The following PBK variants were observed in gnomAD, a reference collection of about 807,000 sequenced individuals.
PBK encodes the protein PDZ binding kinase, also known as lymphokine-activated killer T-cell-originated protein kinase.
PBK carries 22 observed loss-of-function variants against 33.5 expected under a neutral mutation model. That is an observed-to-expected ratio of 0.66 (90% confidence interval 0.47 to 0.94). The LOEUF (loss-of-function observed/expected upper bound fraction) is 0.94. PBK is among the 40% of genes least tolerant of loss of function. The probability of loss-of-function intolerance (pLI) is 0.00; values close to 1 mark genes in which losing one functional copy is unlikely to be tolerated. For synonymous variants in PBK, 129 were observed against 123.8 expected (o/e 1.04, Z -0.28); for missense variants, 376 against 383.4 (o/e 0.98, Z 0.16).
chr8:27,826,940 AT>A (rs1806037694), intron 3 of PBK, among the ~76,000 whole-genome samples: 1 of 152,160 alleles, frequency 6.6e-6, no homozygotes, highest in Non-Finnish European at 1.5e-5. Context: ...ACCTGTGAGA[AT>A]TTTTTTCTTT....
intron 3 of PBK, among the ~76,000 whole-genome samples, chr8:27,825,241 A>G (rs2128964170): frequency 6.6e-6 from 1 of 152,336 alleles, no homozygotes; most frequent in East Asian, 1.9e-4. Flanking sequence ...GGAGTTTGAG[A>G]CCAGCCTGGG....
Position 27,820,603 on chromosome 8 carries a change from TCA to T in PBK, c.555_556del (p.Cys185Ter). 6.3e-7 allele frequency: 1 copy of T among 1,575,774 alleles called. No homozygotes were observed. Among genetic ancestry groups the T allele is most frequent in the Non-Finnish European group, 8.7e-7 (1 of 1,147,686 alleles). ...ATCCAGTGGTAGAGAGACTCCTACA[TCA>T]CAGATTTTAATTGTTTCAAAATCGC... On this transcript the variant is annotated stop_gained and frameshift_variant, in exon 6 of 8. Coordinates refer to ENST00000301905, the MANE Select transcript of PBK (RefSeq NM_018492.4). LOFTEE classifies it high-confidence loss of function.
chr8:27,829,204 C>T (rs1054694104), intron 2 of PBK, among the ~76,000 whole-genome samples: 2 of 152,104 alleles, frequency 1.3e-5, no homozygotes, highest in East Asian at 3.9e-4. Flanking sequence ...TGCCCCAAAG[C>T]TGGGAAAGCA....
chr8:27,825,022 T>A (rs77285599), intron 3 of PBK, among the ~76,000 whole-genome samples: 23,856 of 152,074 alleles, frequency 0.16, 2,345 homozygotes, highest in East Asian at 0.36. Flanking sequence ...GGATATTTTT[T>A]AGACATACAA....
At chr8:27,813,573 CAT>C (rs1447053443) in intron 6 of PBK, among the ~76,000 whole-genome samples, 1 of 151,054 alleles carries the variant, frequency 6.6e-6, no homozygotes, top group Non-Finnish European at 1.5e-5. Context: ...ACACTGACCT[CAT>C]AGCCACAGTC....
rs1563489324 is a variant in PBK at position 27,816,359 on chromosome 8, T to TATATATATATA, written c.595+4205_595+4206insTATATATATAT. ...CATCGAATACTATATATATATATAT[T>TATATATATATA]TATTTATTTATTTATTTATTTTAAT... On this transcript the variant is annotated intron_variant, in intron 6 of 7. Coordinates refer to ENST00000301905, the MANE Select transcript of PBK (RefSeq NM_018492.4). Among the ~76,000 whole-genome samples, 1,007 of 126,460 alleles carry TATATATATATA rather than the reference T, an allele frequency of 8.0e-3. 19 individuals carry two copies. Among genetic ancestry groups the TATATATATATA allele is most frequent in the East Asian group, 0.038 (144 of 3,822 alleles). The allele number at this position is 126,460 out of a possible 152,430, so 83.0% of individuals were successfully genotyped here.
At chr8:27,813,749 T>A (rs989253765) in intron 6 of PBK, among the ~76,000 whole-genome samples, 2 of 152,186 alleles carry the variant, frequency 1.3e-5, no homozygotes, top group Non-Finnish European at 2.9e-5. Flanking sequence ...ACGTACAGCA[T>A]AGTGAGGACA....
rs79343602 is a variant in PBK at position 27,809,769 on chromosome 8, T to G, written c.*536A>C. 1 of 146,954 alleles carries G rather than the reference T, an allele frequency of 6.8e-6. No homozygotes were observed. Among genetic ancestry groups the G allele is most frequent in the African/African-American group, 2.6e-5 (1 of 38,860 alleles). The allele number at this position is 146,954 out of a possible 1,614,324, so 9.1% of individuals were successfully genotyped here. ...AATAAATTAAAGCAAAAACCAAAGATCTGAGGAGATCCAAGAGATCAAGAC... is the reference window on the plus strand; with the variant it reads ...AATAAATTAAAGCAAAAACCAAAGAGCTGAGGAGATCCAAGAGATCAAGAC... On this transcript the variant is annotated 3_prime_UTR_variant, in exon 8 of 8. Transcript: ENST00000301905.
chr8:27,830,028 C>G (rs1806098314), intron 2 of PBK, among the ~76,000 whole-genome samples: 1 of 151,476 alleles, frequency 6.6e-6, no homozygotes, highest in Non-Finnish European at 1.5e-5. Flanking sequence ...CATGGCGAAA[C>G]CCTGTCTCTA....
chr8:27,816,343 C>CTT (rs1554559818), intron 6 of PBK, among the ~76,000 whole-genome samples: 2 of 136,370 alleles, frequency 1.5e-5, no homozygotes, highest in African/African-American at 2.9e-5. Flanking sequence ...TCATCGAATA[C>CTT]TATATATATA....
At chr8:27,819,665 C>G (rs1161631968) in intron 6 of PBK, among the ~76,000 whole-genome samples, 1 of 151,976 alleles carries the variant, frequency 6.6e-6, no homozygotes, top group Admixed American at 6.6e-5. Flanking sequence ...GAGGTACTTG[C>G]CTTACTATTT....
intron 1 of PBK, among the ~76,000 whole-genome samples, chr8:27,834,409 C>T (rs74495208): frequency 3.5e-4 from 53 of 152,228 alleles, no homozygotes; most frequent in African/African-American, 1.2e-3. Flanking sequence ...GACTGGGAGA[C>T]AAAGAATGCA....
chr8:27,824,944 G>A (rs1011133241), intron 3 of PBK, among the ~76,000 whole-genome samples: 1 of 152,152 alleles, frequency 6.6e-6, no homozygotes, highest in African/African-American at 2.4e-5. Flanking sequence ...AGACTTCTGG[G>A]TTAAAATTGT....
At chr8:27,813,331 A>AG (rs758833041) in intron 6 of PBK, among the ~76,000 whole-genome samples, 49 of 151,960 alleles carry the variant, frequency 3.2e-4, no homozygotes, top group Non-Finnish European at 5.7e-4. Flanking sequence ...GGTAGGGGGG[A>AG]GGGATAGCAT....
intron 6 of PBK, 96 bp downstream of exon 6, chr8:27,820,469 A>G: frequency 5.2e-6 from 4 of 770,934 alleles, no homozygotes; most frequent in Non-Finnish European, 8.5e-6. Flanking sequence ...ACTTTTTAAA[A>G]ATAGTTTTTG....
rs1217679812 is a variant in PBK, at chr8:27,828,129, C to G, written c.128G>C (p.Gly43Ala). The G allele has an allele frequency of 2.6e-6, 4 of 1,566,794 alleles. No homozygotes were observed. Among genetic ancestry groups the G allele is most frequent in the Non-Finnish European group, 2.6e-6 (3 of 1,138,876 alleles). Residue 43 changes from glycine to alanine, a missense_variant, in exon 3 of 8, where the codon GGG becomes GCG. Transcript: ENST00000301905. ...CCTTTTCATTAGGTACACATTTACC[C>G]CAGTACCAAAGCCAAGCTTCTGCAT... ...PFMQKLGFGT[G>A]VNVYLMKRSP...
In PBK at chr8:27,828,131, A is replaced by G. The variant is rs1806061856; in HGVS notation, c.126T>C (p.Thr42=). The G allele has an allele frequency of 6.4e-7, 1 of 1,571,336 alleles. No individual in the cohort carries two copies. The highest frequency in any genetic ancestry group is 1.1e-5 in the South Asian group (1 of 89,702). The change falls in exon 3 of 8, where the codon ACT becomes ACC. Residue 42 remains threonine (T), a synonymous_variant. Coordinates refer to ENST00000301905, the MANE Select transcript of PBK (RefSeq NM_018492.4). ...TTTTCATTAGGTACACATTTACCCCAGTACCAAAGCCAAGCTTCTGCATAA... is the reference window on the plus strand; with the variant it reads ...TTTTCATTAGGTACACATTTACCCCGGTACCAAAGCCAAGCTTCTGCATAA... ...SPFMQKLGFG[T]GVNVYLMKRS... is the part of the protein sequence containing the mutation.
At chr8:27,825,574 C>G (rs1272227082) in intron 3 of PBK, among the ~76,000 whole-genome samples, 1 of 151,896 alleles carries the variant, frequency 6.6e-6, no homozygotes, top group African/African-American at 2.4e-5. Flanking sequence ...AAGTCTTTAG[C>G]CTGAGGTTTA....
At chr8:27,834,031 T>G (rs79366763) in intron 1 of PBK, among the ~76,000 whole-genome samples, 17 of 106,984 alleles carry the variant, frequency 1.6e-4, no homozygotes, top group South Asian at 1.3e-3. Context: ...GATGATCCTT[T>G]TTTTTTTTTT....
Sources: gnomAD v4.1 joint callset for allele counts (sites outside exome capture counted in the v4.1 genomes callset) on GRCh38, gnomAD v4.1.1 for gene constraint, MANE v1.5 for transcripts, NCBI Gene and HGNC (gene_info 2026-07-23, HGNC 2026-07-21) for gene names.